The following GPC3 variants were observed in gnomAD, a reference collection of about 807,000 sequenced individuals.
GPC3 encodes the protein glypican 3.
A neutral mutation model predicts 34.4 loss-of-function variants in GPC3; 3 were observed. The observed-to-expected ratio is 0.09, with a 90% CI of 0.04 to 0.23. The LOEUF (loss-of-function observed/expected upper bound fraction) is 0.23, where lower values mean the gene tolerates loss of function less well. Ranked by LOEUF, GPC3 falls within the 10% of genes least tolerant of loss-of-function variation. GPC3 has a pLI of 1.00. For synonymous variants in GPC3, 177 were observed against 174.0 expected, an observed-to-expected ratio of 1.02 and a Z score of -0.13; for missense variants, 351 against 445.6, an observed-to-expected ratio of 0.79 and a Z score of 1.91.
At chrX:133,849,838 C>T (rs959773087) in intron 2 of GPC3, among the ~76,000 whole-genome samples, 4 of 111,644 alleles carry the variant, frequency 3.6e-5, no homozygotes, top group Non-Finnish European at 5.6e-5. Flanking sequence ...TCCTATCAGA[C>T]AAGAAGTCCT....
At chrX:133,886,999 C>T (rs1285287795) in intron 2 of GPC3, among the ~76,000 whole-genome samples, 2 of 112,152 alleles carry the variant, frequency 1.8e-5, no homozygotes, top group African/African-American at 6.5e-5. Context: ...GTAATTCTAT[C>T]TTCAGTTTTG....
intron 3 of GPC3, among the ~76,000 whole-genome samples, chrX:133,747,263 C>T (rs948703964): frequency 2.7e-5 from 3 of 111,851 alleles, no homozygotes; most frequent in Admixed American, 9.5e-5. Context: ...GAACCTCTTT[C>T]TCACCACCGG....
intron 2 of GPC3, among the ~76,000 whole-genome samples, chrX:133,774,965 G>A (rs1474241454): frequency 9.0e-6 from 1 of 111,343 alleles, no homozygotes; most frequent in Non-Finnish European, 1.9e-5. Context: ...CTTTTCATCT[G>A]CTTTCATGAC....
chrX:133,549,891 TC>T (rs2069419165), intron 7 of GPC3, among the ~76,000 whole-genome samples: 1 of 99,674 alleles, frequency 1.0e-5, no homozygotes, highest in Non-Finnish European at 2.0e-5. Context: ...CCTCCCTCCT[TC>T]TCTCTTTCTA....
At chrX:133,576,616 C>G (rs1046582035) in intron 7 of GPC3, among the ~76,000 whole-genome samples, 5 of 110,998 alleles carry the variant, frequency 4.5e-5, no homozygotes, top group African/African-American at 1.3e-4. Flanking sequence ...TTTCTCCTCT[C>G]TAAGAGCTAA....
chrX:133,894,117 A>G (rs2076101217), intron 2 of GPC3, among the ~76,000 whole-genome samples: 1 of 111,922 alleles, frequency 8.9e-6, no homozygotes, highest in Non-Finnish European at 1.9e-5. Flanking sequence ...TCCTGGGATT[A>G]CAGGAGTGAG....
intron 2 of GPC3, among the ~76,000 whole-genome samples, chrX:133,820,725 G>A (rs746122162): frequency 5.4e-5 from 6 of 111,873 alleles, no homozygotes; most frequent in Non-Finnish European, 7.5e-5. Context: ...ATACTCTCAC[G>A]TACTTTCTTT....
chrX:133,691,100 G>C (rs2071057679), intron 5 of GPC3, among the ~76,000 whole-genome samples: 1 of 111,806 alleles, frequency 8.9e-6, no homozygotes, highest in Non-Finnish European at 1.9e-5. Flanking sequence ...GCACTTAGAA[G>C]GTGCTCAGTA....
Position 133,535,902 on chromosome X carries a change from G to T in GPC3, c.*222C>A. On this transcript the variant is annotated 3_prime_UTR_variant, in exon 8 of 8. Transcript: ENST00000370818. ...ACTTGATGGTTTTTTTTCTTTCTTTGCAAAAGGACAATCTATATGCTACCA... is the reference window on the plus strand; with the variant it reads ...ACTTGATGGTTTTTTTTCTTTCTTTTCAAAAGGACAATCTATATGCTACCA... 1 of 383,575 alleles carries T rather than the reference G, an allele frequency of 2.6e-6. No individual in the cohort carries two copies. Among genetic ancestry groups the T allele is most frequent in the African/African-American group, 2.6e-5 (1 of 38,750 alleles). The allele number at this position is 383,575 out of a possible 1,213,427, so 31.6% of individuals were successfully genotyped here. A position where few individuals can be genotyped will look rare whatever the true frequency, so the allele number is the denominator to read the frequency against.
At chrX:133,751,139 G>A (rs1299434595) in intron 3 of GPC3, among the ~76,000 whole-genome samples, 1 of 109,498 alleles carries the variant, frequency 9.1e-6, no homozygotes, top group Admixed American at 9.8e-5. Context: ...ACCACAGGAG[G>A]ATACTTGTTT....
intron 1 of GPC3, among the ~76,000 whole-genome samples, chrX:133,969,907 C>T (rs749291799): frequency 2.7e-5 from 3 of 111,911 alleles, no homozygotes; most frequent in East Asian, 5.6e-4. Flanking sequence ...TATATGAAGG[C>T]TATTTCTAAA....
At chrX:133,548,890 C>T (rs766413004) in intron 7 of GPC3, among the ~76,000 whole-genome samples, 2 of 111,821 alleles carry the variant, frequency 1.8e-5, no homozygotes, top group Non-Finnish European at 3.8e-5. Context: ...CTTGCTCCTC[C>T]TTGCCTTCCA....
intron 6 of GPC3, among the ~76,000 whole-genome samples, chrX:133,618,381 A>G (rs1185432163): frequency 8.9e-6 from 1 of 112,258 alleles, no homozygotes. Context: ...TTCATAATGA[A>G]AGAAATTCAA....
intron 7 of GPC3, among the ~76,000 whole-genome samples, chrX:133,548,331 A>G (rs2069404519): frequency 8.9e-6 from 1 of 111,828 alleles, no homozygotes; most frequent in Non-Finnish European, 1.9e-5. Context: ...TCAGTGTATC[A>G]GGGTTTTAGA....
chrX:133,612,975 G>T (rs1430327411), intron 6 of GPC3, among the ~76,000 whole-genome samples: 1 of 111,780 alleles, frequency 8.9e-6, no homozygotes, highest in Non-Finnish European at 1.9e-5. Flanking sequence ...ATATTTTGGT[G>T]TAGGTGGGAT....
intron 7 of GPC3, among the ~76,000 whole-genome samples, chrX:133,550,228 T>C (rs2069422915): frequency 9.1e-6 from 1 of 110,268 alleles, no homozygotes; most frequent in Admixed American, 9.7e-5. Flanking sequence ...TTGGCCAGGC[T>C]GGTCTCGAAC....
intron 4 of GPC3, among the ~76,000 whole-genome samples, chrX:133,696,802 G>A (rs1295302842): frequency 8.9e-6 from 1 of 112,666 alleles, no homozygotes; most frequent in Non-Finnish European, 1.9e-5. Flanking sequence ...ATACATAAAT[G>A]TCAAACATAG....
chrX:133,798,356 C>T (rs1198675512), intron 2 of GPC3, among the ~76,000 whole-genome samples: 5 of 111,190 alleles, frequency 4.5e-5, no homozygotes, highest in Non-Finnish European at 9.4e-5. Context: ...TCTTTTTATG[C>T]TTTAGTACTC....
intron 6 of GPC3, among the ~76,000 whole-genome samples, chrX:133,654,493 C>A (rs2070633311): frequency 9.0e-6 from 1 of 111,311 alleles, no homozygotes; most frequent in Non-Finnish European, 1.9e-5. Context: ...AGGCGGATCA[C>A]CTGAGGTTAG....
Sources: allele counts gnomAD v4.1 joint callset (sites outside exome capture counted in the v4.1 genomes callset), GRCh38; gene constraint gnomAD v4.1.1; transcripts MANE v1.5; gene names NCBI Gene and HGNC (gene_info 2026-07-23, HGNC 2026-07-21).